Variants in SLC38A4 observed in about 807,000 individuals in gnomAD.
SLC38A4 encodes the protein sodium-coupled neutral amino acid transporter 4.
Under a neutral mutation model 63.1 loss-of-function variants are expected in SLC38A4, and 20 were observed. The observed-to-expected ratio is 0.32, with a 90% confidence interval of 0.22 to 0.46. SLC38A4 has a LOEUF of 0.46. Ranked by LOEUF, SLC38A4 falls within the 20% of genes least tolerant of loss-of-function variation. SLC38A4 has a pLI of 1.00. For synonymous variants in SLC38A4, 230 were observed against 225.5 expected, an observed-to-expected ratio of 1.02 and a Z score of -0.18; for missense variants, 526 against 663.6, an observed-to-expected ratio of 0.79 and a Z score of 2.28.
intron 16 of SLC38A4, among the ~76,000 whole-genome samples, 200 bp downstream of exon 16, chr12:46,768,110 C>T (rs1461388010): frequency 2.0e-5 from 3 of 152,122 alleles, no homozygotes; most frequent in Admixed American, 6.6e-5. Flanking sequence ...AGACTCAACA[C>T]AGGATATTTG....
chr12:46,795,414 G>A (rs1007361014), intron 2 of SLC38A4, among the ~76,000 whole-genome samples: 2 of 151,934 alleles, frequency 1.3e-5, no homozygotes, highest in African/African-American at 4.8e-5. Context: ...AAGACAAAGT[G>A]GTGTATTTGA....
chr12:46,805,428 A>G (rs1353712373), intron 1 of SLC38A4, among the ~76,000 whole-genome samples: 1 of 152,086 alleles, frequency 6.6e-6, no homozygotes, highest in African/African-American at 2.4e-5. Flanking sequence ...TCATCATTTG[A>G]CTATTTTTTT....
intron 4 of SLC38A4, 77 bp downstream of exon 4, chr12:46,788,451 A>C (rs780639566): frequency 1.7e-6 from 2 of 1,189,058 alleles, no homozygotes; most frequent in African/African-American, 3.0e-5. Context: ...TTTCAGTCAC[A>C]TTGTTTTCCC....
upstream of SLC38A4, among the ~76,000 whole-genome samples, chr12:46,827,658 A>G (rs1467287624): frequency 6.6e-6 from 1 of 151,834 alleles, no homozygotes; most frequent in African/African-American, 2.4e-5. Flanking sequence ...AATCCCCTCC[A>G]CCTCTCCCCT....
intron 7 of SLC38A4, among the ~76,000 whole-genome samples, chr12:46,783,167 A>G (rs1287074372): frequency 6.6e-6 from 1 of 150,994 alleles, no homozygotes; most frequent in Non-Finnish European, 1.5e-5. Context: ...GGGAATAAAT[A>G]TAATTTGTTA....
At chr12:46,811,509 A>T (rs1939339445) in intron 1 of SLC38A4, among the ~76,000 whole-genome samples, 1 of 152,034 alleles carries the variant, frequency 6.6e-6, no homozygotes, top group African/African-American at 2.4e-5. Context: ...AGAATAGAAA[A>T]CACCACTGGA....
Position 46,782,996 on chromosome 12 carries a change from C to A in SLC38A4, c.493+1546G>T, listed in dbSNP as rs12319423. ...TTACCAGTCTAGAGGAGCAATAGAC[C>A]AGGTGAGCAGAGTGAGAGAGAAAAT... is the stretch of plus-strand genomic sequence containing the variant. On this transcript the variant is annotated intron_variant, in intron 7 of 16. Transcript: ENST00000266579. 1.4e-3 allele frequency among the ~76,000 whole-genome samples: 178 copies of A among 126,896 alleles called. 1 individual carries two copies. Among genetic ancestry groups the A allele is most frequent in the African/African-American group, 5.1e-3 (173 of 33,610 alleles). 83.2% of individuals were successfully genotyped at this position (126,896 alleles called of 152,430 possible).
chr12:46,768,232 A>G, intron 16 of SLC38A4, 78 bp downstream of exon 16: 1 of 1,063,014 alleles, frequency 9.4e-7, no homozygotes, highest in Non-Finnish European at 1.4e-6. Context: ...CATTTTTCTG[A>G]ACTATGTGTA....
chr12:46,784,166 GT>G (rs770345392), intron 7 of SLC38A4, among the ~76,000 whole-genome samples: 1 of 151,994 alleles, frequency 6.6e-6, no homozygotes, highest in Non-Finnish European at 1.5e-5. Flanking sequence ...CCACTTTTCA[GT>G]TTAGTAAATC....
chr12:46,828,412 C>T (rs897734335), upstream of SLC38A4, among the ~76,000 whole-genome samples: 11 of 152,172 alleles, frequency 7.2e-5, no homozygotes, highest in Non-Finnish European at 1.6e-4. Flanking sequence ...ACCTCTGCCT[C>T]CTGGGTTCAA....
At chr12:46,830,074 CAA>C (rs57477526), upstream of SLC38A4, among the ~76,000 whole-genome samples, 68,960 of 151,760 alleles carry the variant, frequency 0.45, 16,906 homozygotes, top group Non-Finnish European at 0.54. Flanking sequence ...CAGCAGCCTC[CAA>C]AAAAAGTTAT....
chr12:46,830,894 G>A (rs753946422), upstream of SLC38A4, among the ~76,000 whole-genome samples: 39 of 152,342 alleles, frequency 2.6e-4, no homozygotes, highest in Non-Finnish European at 5.4e-4. Flanking sequence ...CTAGCCGGGA[G>A]ATTCACAAGT....
At chr12:46,817,018 T>C (rs1939453449) in intron 1 of SLC38A4, among the ~76,000 whole-genome samples, 1 of 150,854 alleles carries the variant, frequency 6.6e-6, no homozygotes, top group Non-Finnish European at 1.5e-5. Context: ...AAATTTCAGG[T>C]AGAGTAGCTT....
At chr12:46,791,304 G>A (rs558560552) in intron 3 of SLC38A4, among the ~76,000 whole-genome samples, 97 of 152,282 alleles carry the variant, frequency 6.4e-4, no homozygotes, top group Non-Finnish European at 1.2e-3. Context: ...AGCTCAAAGA[G>A]GACAAACAGC....
chr12:46,805,731 G>A (rs1939218321), intron 1 of SLC38A4, among the ~76,000 whole-genome samples: 1 of 151,946 alleles, frequency 6.6e-6, no homozygotes, highest in African/African-American at 2.4e-5. Context: ...ATCAGAATAT[G>A]GGCAGACCTT....
intron 15 of SLC38A4, among the ~76,000 whole-genome samples, chr12:46,768,782 A>G (rs1373732290): frequency 2.6e-5 from 4 of 152,024 alleles, no homozygotes; most frequent in Non-Finnish European, 5.9e-5. Flanking sequence ...AAAGTTTTAG[A>G]TTGTGTTTAA....
At chr12:46,797,571 T>A (rs561252818) in intron 2 of SLC38A4, among the ~76,000 whole-genome samples, 119 of 152,276 alleles carry the variant, frequency 7.8e-4, no homozygotes, top group African/African-American at 2.7e-3. Context: ...TGCTGTACTT[T>A]GAGATCTCTT....
chr12:46,769,951 G>A (rs985283774), intron 14 of SLC38A4, among the ~76,000 whole-genome samples: 1 of 152,060 alleles, frequency 6.6e-6, no homozygotes, highest in Non-Finnish European at 1.5e-5. Context: ...ACATTTGTAA[G>A]CAACACATGA....
At chr12:46,815,323 T>A (rs1939422436) in intron 1 of SLC38A4, among the ~76,000 whole-genome samples, 1 of 146,374 alleles carries the variant, frequency 6.8e-6, no homozygotes, top group Non-Finnish European at 1.5e-5. Flanking sequence ...ATTGAGAATA[T>A]GAATCATATT....
Sources: gnomAD v4.1 joint callset for allele counts (sites outside exome capture counted in the v4.1 genomes callset) on GRCh38, gnomAD v4.1.1 for gene constraint, MANE v1.5 for transcripts, NCBI Gene and HGNC (gene_info 2026-07-23, HGNC 2026-07-21) for gene names.